The following JAKMIP3 variants were observed in gnomAD, a reference collection of about 807,000 sequenced individuals.
JAKMIP3 encodes the protein Janus kinase and microtubule interacting protein 3, also known as janus kinase and microtubule-interacting protein 3.
A neutral mutation model predicts 118.5 loss-of-function variants in JAKMIP3; 58 were observed. The ratio of observed to expected loss-of-function variants is 0.49; its 90% confidence interval spans 0.40 to 0.61. The LOEUF is 0.61. Ranked by LOEUF, JAKMIP3 falls within the 20% of genes least tolerant of loss-of-function variation. JAKMIP3 has a pLI of 0.00. For missense variants in JAKMIP3, 950 were observed against 1,109.0 expected, an observed-to-expected ratio of 0.86 and a Z score of 2.04; for synonymous variants, 486 against 451.2, an observed-to-expected ratio of 1.08 and a Z score of -0.98.
chr10:132,087,260 T>A (rs1328134954), intron 1 of JAKMIP3, among the ~76,000 whole-genome samples: 1 of 152,176 alleles, frequency 6.6e-6, no homozygotes, highest in Non-Finnish European at 1.5e-5. Flanking sequence ...CTTTATAGGT[T>A]ACCTGGTGCT....
intron 2 of JAKMIP3, among the ~76,000 whole-genome samples, chr10:132,115,834 G>T (rs1254109761): frequency 6.6e-6 from 1 of 152,262 alleles, no homozygotes; most frequent in Non-Finnish European, 1.5e-5. Flanking sequence ...CCTTGGAGCA[G>T]CCCTGAGGGC....
rs1565021270 is a variant in JAKMIP3 at position 132,180,720 on chromosome 10, C to CGCGT, written c.*1104-1636_*1104-1635insCGTG. Among the ~76,000 whole-genome samples, 6 of 17,016 alleles carry CGCGT rather than the reference C, an allele frequency of 3.5e-4. 1 individual carries two copies. The highest frequency in any genetic ancestry group is 1.2e-3 in the African/African-American group (4 of 3,356). 11.2% of individuals were successfully genotyped at this position (17,016 alleles called of 152,430 possible). ...GCGTGTGTGTGTGCGCGTGTGTGTG[C>CGCGT]GTGTGTGTGCGTGTGTGCGTGCGTG... On this transcript the variant is annotated intron_variant, in intron 23 of 23. Coordinates refer to ENST00000684848, the MANE Select transcript of JAKMIP3 (RefSeq NM_001323087.2).
Position 132,161,102 on chromosome 10 carries a change from G to GC in JAKMIP3, c.2221-2107_2221-2106insC, listed in dbSNP as rs776957394. Among the ~76,000 whole-genome samples the GC allele has an allele frequency of 6.8e-4, 56 of 82,688 alleles. No individual in the cohort carries two copies. The East Asian group carries it at 0.028, about 41-fold the overall frequency. 54.2% of individuals were successfully genotyped at this position (82,688 alleles called of 152,430 possible). On this transcript the variant is annotated intron_variant, in intron 19 of 23. Coordinates refer to ENST00000684848, the MANE Select transcript of JAKMIP3 (RefSeq NM_001323087.2). ...GGGGGCCTCTTCCTGTGTGATGCTG[G>GC]GGGGGGTCTATTCCTGTGTCTTATT... is the stretch of plus-strand genomic sequence containing the variant.
intron 2 of JAKMIP3, among the ~76,000 whole-genome samples, chr10:132,110,415 G>C (rs2046683786): frequency 6.6e-6 from 1 of 152,272 alleles, no homozygotes; most frequent in Admixed American, 6.5e-5. Context: ...GTTTTTGCCT[G>C]TGGTTATGTG....
intron 1 of JAKMIP3, among the ~76,000 whole-genome samples, chr10:132,036,956 C>CCCCTGCCCTGCACAGGCCTCGGCGCT (rs1223000667): frequency 1.6e-3 from 239 of 152,138 alleles, no homozygotes; most frequent in Middle Eastern, 3.4e-3. Flanking sequence ...TCCACGGCAC[C>CCCCTGCCCTGCACAGGCCTCGGCGCT]CCCTGCCCTG....
chr10:132,151,845 C>T (rs1344462453), intron 16 of JAKMIP3, among the ~76,000 whole-genome samples: 3 of 152,198 alleles, frequency 2.0e-5, no homozygotes, highest in Non-Finnish European at 4.4e-5. Context: ...CTGGAGGGCT[C>T]ATGGCCAGGC....
At chr10:132,139,257 T>C (rs111210360) in intron 9 of JAKMIP3, among the ~76,000 whole-genome samples, 3 of 145,126 alleles carry the variant, frequency 2.1e-5, no homozygotes. Flanking sequence ...TGTATGTGTG[T>C]GTGTGTATGT....
chr10:132,064,334 CAGG>C (rs1269735211), upstream of JAKMIP3, among the ~76,000 whole-genome samples: 1 of 152,208 alleles, frequency 6.6e-6, no homozygotes, highest in African/African-American at 2.4e-5. The surrounding 1 kb of genome is among the most constrained non-coding windows in gnomAD (Gnocchi z 4.4). Flanking sequence ...TCAATTCCAG[CAGG>C]AGGACAGCTG....
At chr10:132,126,983 A>G (rs914169551) in intron 3 of JAKMIP3, among the ~76,000 whole-genome samples, 9 of 152,198 alleles carry the variant, frequency 5.9e-5, no homozygotes, top group East Asian at 1.9e-4. Flanking sequence ...TCCTTTTTCT[A>G]TTCTCTCAAT....
At chr10:132,065,202 C>A (rs2038619615), upstream of JAKMIP3, among the ~76,000 whole-genome samples, 1 of 152,134 alleles carries the variant, frequency 6.6e-6, no homozygotes, top group South Asian at 2.1e-4. This position sits in a 1 kb window ranked among gnomAD's most constrained non-coding sequence, Gnocchi z 5.6. Context: ...CTTGGAAACC[C>A]TGTCAGACCC....
intron 22 of JAKMIP3, among the ~76,000 whole-genome samples, 198 bp downstream of exon 22, chr10:132,167,253 G>T (rs556824098): frequency 3.3e-5 from 5 of 152,176 alleles, no homozygotes; most frequent in African/African-American, 1.2e-4. Flanking sequence ...GTCAGGACCC[G>T]GAGTCTTCCA....
rs1242502195 is a variant in JAKMIP3 at position 132,183,669 on chromosome 10, T to C, written c.*2416T>C. 2 of 152,212 alleles carry C rather than the reference T, an allele frequency of 1.3e-5. No homozygotes were observed. The highest frequency in any genetic ancestry group is 4.8e-5 in the African/African-American group (2 of 41,450). 9.4% of individuals were successfully genotyped at this position (152,212 alleles called of 1,614,324 possible). On this transcript the variant is annotated 3_prime_UTR_variant, in exon 24 of 24. Transcript: ENST00000684848. The stretch of plus-strand genomic sequence containing the variant: ...AAACTGCATCGCGTCTCTGCCCCAT[T>C]CCTGAAAGCACACATCTAGTTGGAG...
intron 17 of JAKMIP3, 144 bp downstream of exon 17, chr10:132,153,167 T>C: frequency 1.5e-6 from 1 of 650,064 alleles, no homozygotes; most frequent in South Asian, 1.8e-5. Context: ...CCCTGGGAGA[T>C]CTGACACACT....
chr10:132,077,236 T>C (rs1320724714), intron 1 of JAKMIP3, among the ~76,000 whole-genome samples: 1 of 152,140 alleles, frequency 6.6e-6, no homozygotes, highest in Non-Finnish European at 1.5e-5. Flanking sequence ...CCCGGTGACC[T>C]GGGGAGAGGG....
chr10:132,040,488 G>C (rs554932027), intron 1 of JAKMIP3, among the ~76,000 whole-genome samples: 1 of 152,244 alleles, frequency 6.6e-6, no homozygotes, highest in African/African-American at 2.4e-5. Context: ...ACAGAGTTTG[G>C]ATCATGCTAT....
At chr10:132,065,490 A>G (rs1695503246), upstream of JAKMIP3, among the ~76,000 whole-genome samples, 1 of 151,982 alleles carries the variant, frequency 6.6e-6, no homozygotes, top group East Asian at 1.9e-4. This position sits in a 1 kb window ranked among gnomAD's most constrained non-coding sequence, Gnocchi z 5.6. Context: ...TTCTCCAAGC[A>G]GGAGGGAAAG....
chr10:132,173,198 C>G (rs2059793690), intron 23 of JAKMIP3, among the ~76,000 whole-genome samples: 1 of 56,194 alleles, frequency 1.8e-5, no homozygotes, highest in Non-Finnish European at 3.7e-5. Context: ...CTCTCTCTCT[C>G]CCCCCCTCCT....
At chr10:132,138,375 C>T (rs1286015163) in intron 9 of JAKMIP3, among the ~76,000 whole-genome samples, 197 bp downstream of exon 9, 1 of 110,610 alleles carries the variant, frequency 9.0e-6, no homozygotes, top group African/African-American at 3.7e-5. Context: ...GGACCGCGCC[C>T]GCGTGTGTGG....
chr10:132,077,259 C>A (rs1203268301), intron 1 of JAKMIP3, among the ~76,000 whole-genome samples: 2 of 152,196 alleles, frequency 1.3e-5, no homozygotes, highest in Non-Finnish European at 2.9e-5. Context: ...TGCTGTGCTT[C>A]CCCCAGTGGC....
Sources: allele counts gnomAD v4.1 joint callset (sites outside exome capture counted in the v4.1 genomes callset), GRCh38; gene constraint gnomAD v4.1.1; non-coding constraint Gnocchi (gnomAD v3.1); transcripts MANE v1.5; gene names NCBI Gene and HGNC (gene_info 2026-07-23, HGNC 2026-07-21).